Variants in MAST2 observed in about 807,000 individuals in gnomAD.
The protein encoded by MAST2 is microtubule associated serine/threonine kinase 2.
In MAST2, 70 loss-of-function variants were observed where a neutral mutation model predicts 147.4. That is an observed-to-expected ratio of 0.47 (90% CI 0.39 to 0.58). The LOEUF (loss-of-function observed/expected upper bound fraction) is 0.58, where lower values mean the gene tolerates loss of function less well. Among genes scored for constraint, MAST2 ranks in the 20% least tolerant of loss-of-function variants. The pLI is 0.00. For synonymous variants in MAST2, 869 were observed against 896.8 expected (o/e 0.97, Z 0.55); for missense variants, 2,080 against 2,302.3 (o/e 0.90, Z 1.98).
chr1:46,020,293 C>G (rs1009098060), intron 11 of MAST2, among the ~76,000 whole-genome samples: 1 of 152,114 alleles, frequency 6.6e-6, no homozygotes, highest in African/African-American at 2.4e-5. Context: ...GCTTATTCAG[C>G]AAACTGAAGG....
chr1:46,027,241 G>C (rs1470191594), intron 16 of MAST2, among the ~76,000 whole-genome samples: 1 of 152,124 alleles, frequency 6.6e-6, no homozygotes, highest in East Asian at 1.9e-4. Flanking sequence ...TATATAAAGG[G>C]ATCTTAGTTC....
chr1:45,979,397 G>A (rs1027106034), intron 5 of MAST2, among the ~76,000 whole-genome samples: 1 of 149,520 alleles, frequency 6.7e-6, no homozygotes, highest in African/African-American at 2.5e-5. Context: ...AAGCCTGCTT[G>A]CTAGGCTGCT....
At chr1:46,027,650 G>GTAGATCTC in intron 16 of MAST2, 81 bp from the exon 17 acceptor site, 6 of 1,471,168 alleles carry the variant, frequency 4.1e-6, no homozygotes, top group Admixed American at 3.9e-5. Flanking sequence ...AAGCCTGAGT[G>GTAGATCTC]GGGAAACTGG....
chr1:45,845,926 A>G (rs1162297593), intron 3 of MAST2, among the ~76,000 whole-genome samples: 3 of 151,998 alleles, frequency 2.0e-5, no homozygotes, highest in Admixed American at 6.6e-5. Context: ...ATGCCCGGCT[A>G]GTTTTTTGCA....
Position 45,816,952 on chromosome 1 carries a change from C to T in MAST2, c.178-7481C>T, listed in dbSNP as rs185451302. The stretch of plus-strand genomic sequence containing the variant: ...TCGGCTTCCCAAAGTGTTGGGATTA[C>T]AGGCGTGAGCCACAGTGCCTGGCCC... On this transcript the variant is annotated intron_variant, in intron 1 of 28. Coordinates refer to ENST00000361297, the MANE Select transcript of MAST2 (RefSeq NM_015112.3). Among the ~76,000 whole-genome samples, 28 of 152,276 alleles carry T rather than the reference C, an allele frequency of 1.8e-4. No individual in the cohort carries two copies. The East Asian group carries it at 5.4e-3, about 29-fold the overall frequency.
At chr1:45,864,908 ACTT>A (rs1646094271) in intron 3 of MAST2, among the ~76,000 whole-genome samples, 2 of 152,224 alleles carry the variant, frequency 1.3e-5, no homozygotes, top group African/African-American at 4.8e-5. Context: ...ATGTATCTAT[ACTT>A]CTGTGAAGAA....
intron 18 of MAST2, 88 bp from the exon 19 acceptor site, chr1:46,029,378 C>A: frequency 8.8e-7 from 1 of 1,142,624 alleles, no homozygotes; most frequent in Non-Finnish European, 1.3e-6. Flanking sequence ...TTTTTGCCTC[C>A]TTTCCTTTCA....
At chr1:46,028,537 A>C (rs1334231193) in intron 17 of MAST2, among the ~76,000 whole-genome samples, 3 of 152,222 alleles carry the variant, frequency 2.0e-5, no homozygotes, top group Non-Finnish European at 2.9e-5. Flanking sequence ...TGAGGGCTTA[A>C]GGGATGGTAG....
rs77870626 is a variant in MAST2 at position 46,025,840 on chromosome 1, G to C, written c.1919+25G>C. 3.1e-4 allele frequency: 504 copies of C among 1,614,020 alleles called. 5 individuals are homozygous for C. In the East Asian group the frequency reaches 0.011, roughly 36 times the overall value. ...AGTATGTCCACAGTCTGTGTCCCTT[G>C]TCCAGGGTCTCCCTCTTGGGTCTCC... On this transcript the variant is annotated intron_variant, in intron 16 of 28. Coordinates refer to ENST00000361297, the MANE Select transcript of MAST2 (RefSeq NM_015112.3).
intron 4 of MAST2, 69 bp downstream of exon 4, chr1:45,882,464 C>A (rs1646894729): frequency 1.7e-6 from 2 of 1,210,076 alleles, no homozygotes; most frequent in Non-Finnish European, 2.4e-6. Context: ...GAACATTTCC[C>A]ACTATCATGT....
chr1:46,030,301 C>T (rs1646594833), intron 21 of MAST2, 63 bp downstream of exon 21: 1 of 1,494,382 alleles, frequency 6.7e-7, no homozygotes, highest in Admixed American at 1.8e-5. Context: ...GAGGGCCTGT[C>T]AAAGGGCACA....
At chr1:45,804,173 T>A in intron 1 of MAST2, 101 bp downstream of exon 1, 3 of 1,222,648 alleles carry the variant, frequency 2.5e-6, no homozygotes, top group Non-Finnish European at 3.1e-6. Flanking sequence ...AGGGGTGGGG[T>A]CTGAGTAGTT....
At chr1:46,030,539 G>A in intron 21 of MAST2, 68 bp from the exon 22 acceptor site, 4 of 1,517,720 alleles carry the variant, frequency 2.6e-6, no homozygotes, top group Non-Finnish European at 3.5e-6. Flanking sequence ...CGATGCCAAG[G>A]ATGCTTTATG....
chr1:45,811,040 G>GGA lies in MAST2; in HGVS notation c.177+6970_177+6971dup, dbSNP rs1248679694. ...GCTAATTTTGTATTTTAGTAGAGAC[G>GGA]GAGTTTTTCCATGTTGGTCAGGCTG... On this transcript the variant is annotated intron_variant, in intron 1 of 28. Transcript: ENST00000361297. Among the ~76,000 whole-genome samples the GGA allele has an allele frequency of 2.0e-5, 3 of 151,232 alleles. No homozygotes were observed. The East Asian group carries it at 6.0e-4, about 30-fold the overall frequency.
chr1:45,913,805 G>A (rs1557898741), intron 4 of MAST2: 4 of 1,176,622 alleles, frequency 3.4e-6, no homozygotes, highest in Non-Finnish European at 4.3e-6. Context: ...TCCAGTGTGA[G>A]GGCAAAACTT....
At chr1:45,888,496 GGGA>G (rs1273418748) in intron 4 of MAST2, among the ~76,000 whole-genome samples, 1 of 151,358 alleles carries the variant, frequency 6.6e-6, no homozygotes, top group Non-Finnish European at 1.5e-5. Flanking sequence ...CTGAGTAGCT[GGGA>G]CTACAGGCCC....
rs1557509861 is a variant in MAST2 at position 46,030,218 on chromosome 1, T to C, written c.2533T>C (p.Cys845Arg). The part of the protein sequence containing the change: ...GCLEIRQFSS[C>R]SPRFNKVYSS... Reference sequence around the variant, plus strand: ...CCTTGAGATCCGCCAGTTCTCTTCCTGCTCTCCAAGGTTCAACAAGGTGTG... The same window carrying C: ...CCTTGAGATCCGCCAGTTCTCTTCCCGCTCTCCAAGGTTCAACAAGGTGTG... The change falls in exon 21 of 29, where the codon TGC (cysteine) becomes CGC (arginine). Residue 845 changes from cysteine to arginine, a missense_variant. This residue lies in a region of MAST2 where 1,278 missense variants were observed against 1,304.2 expected (regional missense o/e 0.98). Transcript: ENST00000361297. 4 of 1,614,218 alleles carry C rather than the reference T, an allele frequency of 2.5e-6. No individual in the cohort carries two copies. Among genetic ancestry groups the C allele is most frequent in the Non-Finnish European group, 3.4e-6 (4 of 1,180,032 alleles).
intron 1 of MAST2, 114 bp downstream of exon 1, chr1:45,804,186 C>G: frequency 5.1e-6 from 6 of 1,183,804 alleles, no homozygotes; most frequent in Non-Finnish European, 6.4e-6. Flanking sequence ...GAGTAGTTCG[C>G]GGGGAGGAGT....
chr1:45,853,319 CAG>C (rs34163992), intron 3 of MAST2, among the ~76,000 whole-genome samples: 43,304 of 151,860 alleles, frequency 0.29, 6,292 homozygotes, highest in South Asian at 0.39. Flanking sequence ...TTCTTTTTAA[CAG>C]AGTGTTTTGC....
Sources: gnomAD v4.1 joint callset for allele counts (sites outside exome capture counted in the v4.1 genomes callset) on GRCh38, gnomAD v4.1.1 for gene constraint, gnomAD v4.1.1 regional missense constraint, MANE v1.5 for transcripts, NCBI Gene and HGNC (gene_info 2026-07-23, HGNC 2026-07-21) for gene names.